PHF21A: variants seen among roughly 807,000 people sequenced by gnomAD.
PHF21A encodes BHC80a.
A neutral mutation model predicts 82.5 loss-of-function variants in PHF21A; 11 were observed. That is an observed-to-expected ratio of 0.13 (90% CI 0.08 to 0.22). The LOEUF is 0.22. PHF21A is among the 10% of genes least tolerant of loss of function. The probability of loss-of-function intolerance (pLI) is 1.00; values close to 1 mark genes in which losing one functional copy is unlikely to be tolerated. For missense variants in PHF21A, 579 were observed against 837.8 expected, an observed-to-expected ratio of 0.69 and a Z score of 3.81; for synonymous variants, 297 against 302.8, an observed-to-expected ratio of 0.98 and a Z score of 0.20.
intron 3 of PHF21A, among the ~76,000 whole-genome samples, chr11:46,087,608 G>A (rs545978083): frequency 3.3e-5 from 5 of 152,194 alleles, no homozygotes; most frequent in African/African-American, 9.6e-5. Flanking sequence ...TGGTCTGTGC[G>A]GAAAGAAACA....
chr11:46,105,834 T>A (rs2097146799), intron 1 of PHF21A, among the ~76,000 whole-genome samples: 1 of 152,252 alleles, frequency 6.6e-6, no homozygotes, highest in Admixed American at 6.5e-5. Context: ...AGAGAATTTT[T>A]GCTTCAGATT....
intron 7 of PHF21A, among the ~76,000 whole-genome samples, chr11:45,978,552 CTT>C (rs1565370504): frequency 6.6e-6 from 1 of 152,162 alleles, no homozygotes; most frequent in African/African-American, 2.4e-5. Context: ...GAACTATACT[CTT>C]TTTCTCTCTA....
chr11:46,066,001 TAAA>T (rs1565817368), intron 6 of PHF21A, among the ~76,000 whole-genome samples: 2 of 152,236 alleles, frequency 1.3e-5, no homozygotes, highest in Non-Finnish European at 2.9e-5. Context: ...TTTAGTGATT[TAAA>T]ATTTCAAAAG....
intron 6 of PHF21A, among the ~76,000 whole-genome samples, chr11:45,981,153 A>G (rs1026899705): frequency 6.6e-6 from 1 of 152,098 alleles, no homozygotes; most frequent in Non-Finnish European, 1.5e-5. Flanking sequence ...TAGGAGGCCA[A>G]GGTGGGTGGA....
At chr11:46,027,127 A>T (rs2095762781) in intron 6 of PHF21A, 1 of 152,230 alleles carries the variant, frequency 6.6e-6, no homozygotes, top group African/African-American at 2.4e-5. Flanking sequence ...CTCCCAGATT[A>T]TAAATAGGCT....
intron 6 of PHF21A, among the ~76,000 whole-genome samples, chr11:46,070,208 T>G (rs2096640187): frequency 6.6e-6 from 1 of 152,196 alleles, no homozygotes; most frequent in South Asian, 2.1e-4. Flanking sequence ...CTTCAGAATC[T>G]TGTATTAAAA....
intron 6 of PHF21A, among the ~76,000 whole-genome samples, chr11:46,013,282 T>TA (rs1345481277): frequency 6.6e-6 from 1 of 152,164 alleles, no homozygotes; most frequent in African/African-American, 2.4e-5. Flanking sequence ...ACTGCACGCT[T>TA]AGAGTAGCCT....
chr11:46,057,025 C>T (rs556354849), intron 6 of PHF21A, among the ~76,000 whole-genome samples: 91 of 151,776 alleles, frequency 6.0e-4, no homozygotes, highest in African/African-American at 2.0e-3. Flanking sequence ...TAGTAAGTGC[C>T]GAAAAAATTA....
intron 6 of PHF21A, among the ~76,000 whole-genome samples, chr11:45,993,024 A>G (rs1269675093): frequency 6.6e-6 from 1 of 152,236 alleles, no homozygotes; most frequent in Non-Finnish European, 1.5e-5. Context: ...AGGGAATTAC[A>G]GTAAGCAAAA....
chr11:46,058,789 T>C (rs753622476), intron 6 of PHF21A, among the ~76,000 whole-genome samples: 12 of 152,174 alleles, frequency 7.9e-5, no homozygotes. Flanking sequence ...TTACAAAATC[T>C]GGAACAAGAA....
At chr11:45,990,257 T>C in intron 6 of PHF21A, among the ~76,000 whole-genome samples, 1 of 91,790 alleles carries the variant, frequency 1.1e-5, no homozygotes, top group Admixed American at 1.4e-4. Context: ...CTTCTTTTTT[T>C]TTTTTTTTTT....
chr11:46,081,087 C>A (rs1181245952), intron 4 of PHF21A, among the ~76,000 whole-genome samples: 1 of 152,084 alleles, frequency 6.6e-6, no homozygotes, highest in African/African-American at 2.4e-5. Flanking sequence ...TCTAAGAAAC[C>A]CTCCTTTAGT....
intron 6 of PHF21A, among the ~76,000 whole-genome samples, chr11:45,995,902 A>G (rs1184028375): frequency 1.3e-5 from 2 of 152,116 alleles, no homozygotes; most frequent in African/African-American, 2.4e-5. Flanking sequence ...CAAACCCCAA[A>G]TTCATTATTA....
intron 6 of PHF21A, among the ~76,000 whole-genome samples, chr11:46,074,182 G>A (rs977747928): frequency 6.7e-6 from 1 of 150,266 alleles, no homozygotes; most frequent in Admixed American, 6.6e-5. Context: ...GAGAATATAT[G>A]AGTCCATTAT....
chr11:45,978,817 T>C (rs1202142181), intron 7 of PHF21A, among the ~76,000 whole-genome samples: 1 of 152,204 alleles, frequency 6.6e-6, no homozygotes, highest in Non-Finnish European at 1.5e-5. Flanking sequence ...GATTCTTAAA[T>C]TGTATGCTTG....
intron 6 of PHF21A, among the ~76,000 whole-genome samples, chr11:46,063,495 G>A (rs181091821): frequency 6.6e-6 from 1 of 152,174 alleles, no homozygotes; most frequent in Non-Finnish European, 1.5e-5. Context: ...TAAAGAGTGT[G>A]ATTGTGTTCT....
In PHF21A at chr11:45,930,019, G is replaced by C. The variant is rs1393276855; in HGVS notation, c.*3949C>G. 6.6e-6 allele frequency: 1 copy of C among 152,220 alleles called. No individual in the cohort carries two copies. Among genetic ancestry groups the C allele is most frequent in the Admixed American group, 6.5e-5 (1 of 15,286 alleles). 9.4% of individuals were successfully genotyped at this position (152,220 alleles called of 1,614,324 possible). On this transcript the variant is annotated 3_prime_UTR_variant, in exon 19 of 19. Transcript: ENST00000676320. ...AACCCAGGCCCTGGAAAATGCACCTGGGCCACCATCCATCTCATTACCCTA... is the reference window on the plus strand; with the variant it reads ...AACCCAGGCCCTGGAAAATGCACCTCGGCCACCATCCATCTCATTACCCTA...
At chr11:45,934,979 G>A in intron 18 of PHF21A, 1 of 538,518 alleles carries the variant, frequency 1.9e-6, no homozygotes, top group Non-Finnish European at 3.3e-6. Context: ...TATCCATGAG[G>A]GCTGAGGTCA....
chr11:45,935,044 T>G, intron 18 of PHF21A: 1 of 1,136,142 alleles, frequency 8.8e-7, no homozygotes, highest in South Asian at 1.3e-5. Context: ...GCTCCTTGCC[T>G]GGGAGAAGCC....
Sources: gnomAD v4.1 joint callset for allele counts (sites outside exome capture counted in the v4.1 genomes callset) on GRCh38, gnomAD v4.1.1 for gene constraint, MANE v1.5 for transcripts, NCBI Gene and HGNC (gene_info 2026-07-23, HGNC 2026-07-21) for gene names.